The following NAALADL2 variants were observed in gnomAD, a reference collection of about 807,000 sequenced individuals.
NAALADL2 encodes N-acetylated alpha-linked acidic dipeptidase like 2.
NAALADL2 carries 76 observed loss-of-function variants against 87.2 expected under a neutral mutation model. The ratio of observed to expected loss-of-function variants is 0.87; its 90% CI spans 0.72 to 1.05. NAALADL2 has a LOEUF of 1.05. Ranked by LOEUF, NAALADL2 falls within the 50% of genes least tolerant of loss-of-function variation. The pLI, the probability that NAALADL2 is intolerant of heterozygous loss-of-function variation, is 0.00. For synonymous variants in NAALADL2, 354 were observed against 331.0 expected (o/e 1.07, Z -0.75); for missense variants, 1,089 against 945.8 (o/e 1.15, Z -1.99).
intron 1 of NAALADL2, among the ~76,000 whole-genome samples, chr3:175,093,567 A>G (rs918352002): frequency 1.1e-3 from 169 of 148,564 alleles, no homozygotes; most frequent in African/African-American, 4.0e-3. Context: ...ATACATTTAT[A>G]TATACTATAT....
chr3:175,513,065 C>T (rs955525760), intron 9 of NAALADL2, among the ~76,000 whole-genome samples: 5 of 152,194 alleles, frequency 3.3e-5, no homozygotes, highest in Non-Finnish European at 7.3e-5. Context: ...GAGCTCAATG[C>T]TGCCCCAGTT....
At chr3:175,781,103 T>G (rs1751005020) in intron 13 of NAALADL2, among the ~76,000 whole-genome samples, 1 of 152,188 alleles carries the variant, frequency 6.6e-6, no homozygotes, top group South Asian at 2.1e-4. Context: ...ATCTGGGAAC[T>G]CAGCTAAAAA....
intron 2 of NAALADL2, among the ~76,000 whole-genome samples, chr3:175,178,668 G>A (rs1381133): frequency 0.73 from 110,414 of 151,822 alleles, 40,692 homozygotes; most frequent in Non-Finnish European, 0.8. Context: ...CTGCATCCCC[G>A]CAGTACCTGA....
intron 1 of NAALADL2, among the ~76,000 whole-genome samples, chr3:175,026,421 C>T (rs1040086280): frequency 1.3e-4 from 19 of 142,936 alleles, no homozygotes; most frequent in Middle Eastern, 3.7e-3. Flanking sequence ...CTGAGGCAGG[C>T]GGATCATGAG....
chr3:175,432,939 A>G (rs1718008021), intron 5 of NAALADL2, among the ~76,000 whole-genome samples: 1 of 151,818 alleles, frequency 6.6e-6, no homozygotes, highest in Non-Finnish European at 1.5e-5. Flanking sequence ...GTTCTCTTTC[A>G]TCTGGTGTTC....
intron 1 of NAALADL2, among the ~76,000 whole-genome samples, chr3:174,889,467 G>C (rs2109780638): frequency 6.6e-6 from 1 of 152,072 alleles, no homozygotes; most frequent in South Asian, 2.1e-4. Context: ...TTCCTCTCCT[G>C]CTGGACGCCA....
At chr3:174,522,217 T>C (rs914364543) in intron 1 of NAALADL2, among the ~76,000 whole-genome samples, 3 of 152,214 alleles carry the variant, frequency 2.0e-5, no homozygotes, top group Non-Finnish European at 4.4e-5. Context: ...TAGCCAAAAA[T>C]TGAATTGACT....
At chr3:174,487,007 G>GT (rs1378464917) in intron 1 of NAALADL2, among the ~76,000 whole-genome samples, 4 of 151,838 alleles carry the variant, frequency 2.6e-5, no homozygotes, top group African/African-American at 4.8e-5. Context: ...CTTTTTTGGT[G>GT]TTTTTTTAAA....
intron 3 of NAALADL2, among the ~76,000 whole-genome samples, chr3:174,770,829 C>CAG (rs1270228200): frequency 6.9e-6 from 1 of 145,480 alleles, no homozygotes; most frequent in Admixed American, 7.0e-5. Flanking sequence ...GCCTGGGCGA[C>CAG]AGCAAGACTC....
intron 1 of NAALADL2, among the ~76,000 whole-genome samples, chr3:174,926,056 G>C (rs1196639726): frequency 1.3e-5 from 2 of 152,142 alleles, no homozygotes; most frequent in African/African-American, 4.8e-5. Flanking sequence ...ACTATGTGAG[G>C]AATGCACAAG....
chr3:174,693,377 A>G (rs999834158), intron 2 of NAALADL2, among the ~76,000 whole-genome samples: 10 of 152,194 alleles, frequency 6.6e-5, no homozygotes, highest in Non-Finnish European at 1.2e-4. Context: ...ATCTGGAAGC[A>G]TCATGAAGGA....
chr3:175,138,439 C>T (rs911010125), intron 2 of NAALADL2, among the ~76,000 whole-genome samples: 3 of 151,812 alleles, frequency 2.0e-5, no homozygotes, highest in South Asian at 2.1e-4. Context: ...TCATAACACC[C>T]CAACAGGGTT....
At chr3:175,470,907 C>A (rs2161043) in intron 8 of NAALADL2, among the ~76,000 whole-genome samples, 85,290 of 151,852 alleles carry the variant, frequency 0.56, 25,266 homozygotes, top group East Asian at 0.69. Flanking sequence ...TTTTGTGCAG[C>A]GTAGCTCATT....
In NAALADL2 at chr3:174,749,002, C is replaced by A. The variant is rs187671558; in HGVS notation, c.-9+11256C>A. Among the ~76,000 whole-genome samples, 373 of 152,128 alleles carry A rather than the reference C, an allele frequency of 2.5e-3. 2 individuals carry two copies. Among genetic ancestry groups the A allele is most frequent in the African/African-American group, 8.6e-3 (355 of 41,496 alleles). ...TTGGCTATTTTCAAAAATATTGGTG[C>A]CTTTGATGGAAATAATAATAATAAA... On this transcript the variant is annotated intron_variant, in intron 3 of 3. Coordinates refer to the NAALADL2 transcript ENST00000434257.
intron 4 of NAALADL2, among the ~76,000 whole-genome samples, chr3:175,298,074 A>G (rs2110196996): frequency 1.3e-5 from 2 of 152,264 alleles, no homozygotes; most frequent in Admixed American, 1.3e-4. Flanking sequence ...TTAAAAAACT[A>G]TGCATTTTCA....
chr3:175,425,450 A>C (rs535597610), intron 5 of NAALADL2, among the ~76,000 whole-genome samples: 2 of 152,292 alleles, frequency 1.3e-5, no homozygotes, highest in African/African-American at 4.8e-5. Context: ...CACTTTATTC[A>C]TCATGAAAAT....
intron 1 of NAALADL2, among the ~76,000 whole-genome samples, chr3:174,457,999 G>T (rs1437910023): frequency 6.6e-6 from 1 of 152,106 alleles, no homozygotes; most frequent in African/African-American, 2.4e-5. Context: ...AGGGTAGAAG[G>T]TGGGAAGAGG....
intron 2 of NAALADL2, among the ~76,000 whole-genome samples, chr3:175,117,028 A>G (rs951324463): frequency 6.6e-5 from 10 of 152,270 alleles, no homozygotes; most frequent in African/African-American, 2.2e-4. Context: ...TCCCTATTTA[A>G]TAAATGGTGC....
chr3:174,489,673 A>G (rs1165305727), intron 1 of NAALADL2, among the ~76,000 whole-genome samples: 1 of 152,066 alleles, frequency 6.6e-6, no homozygotes, highest in East Asian at 1.9e-4. Context: ...CAGAGTAGAC[A>G]TTTCTCAGAA....
Sources: allele counts gnomAD v4.1 joint callset (sites outside exome capture counted in the v4.1 genomes callset), GRCh38; gene constraint gnomAD v4.1.1; transcripts MANE v1.5; gene names NCBI Gene and HGNC (gene_info 2026-07-23, HGNC 2026-07-21).